YPEL1: variants seen among roughly 807,000 people sequenced by gnomAD.
YPEL1 encodes the protein protein yippee-like 1.
In YPEL1, 7 loss-of-function variants were observed where a neutral mutation model predicts 17.3. The observed-to-expected ratio is 0.40, with a 90% confidence interval of 0.23 to 0.76. YPEL1 has a LOEUF of 0.76. Among genes scored for constraint, YPEL1 ranks in the 30% least tolerant of loss-of-function variants. The probability of loss-of-function intolerance (pLI) is 0.35; values close to 1 mark genes in which losing one functional copy is unlikely to be tolerated. For synonymous variants in YPEL1, 59 were observed against 59.6 expected (o/e 0.99, Z 0.05); for missense variants, 91 against 155.5 (o/e 0.59, Z 2.21).
chr22:21,728,187 C>T (rs764322072), intron 1 of YPEL1, among the ~76,000 whole-genome samples: 32 of 152,064 alleles, frequency 2.1e-4, no homozygotes, highest in Non-Finnish European at 3.1e-4. Context: ...GTCACCTGCC[C>T]GGCCAGCCGT....
chr22:21,711,456 T>A (rs970402992), intron 1 of YPEL1, among the ~76,000 whole-genome samples: 20 of 152,200 alleles, frequency 1.3e-4, no homozygotes, highest in African/African-American at 4.8e-4. Flanking sequence ...CAGGGCTGGA[T>A]GCACCCCACC....
At chr22:21,705,281 C>T (rs2068104726) in intron 2 of YPEL1, among the ~76,000 whole-genome samples, 1 of 152,170 alleles carries the variant, frequency 6.6e-6, no homozygotes, top group African/African-American at 2.4e-5. Flanking sequence ...GCCTGGCTTA[C>T]ATTACAGTTT....
intron 1 of YPEL1, among the ~76,000 whole-genome samples, chr22:21,729,442 T>C (rs1445962641): frequency 7.7e-6 from 1 of 130,060 alleles, no homozygotes; most frequent in African/African-American, 3.0e-5. Context: ...CCCCCATCTC[T>C]AAAAAAAAAA....
chr22:21,700,777 A>G lies in YPEL1; in HGVS notation c.*352T>C, dbSNP rs1377632084. 5.7e-6 allele frequency: 1 copy of G among 174,034 alleles called. No individual in the cohort carries two copies. Among genetic ancestry groups the G allele is most frequent in the Admixed American group, 6.0e-5 (1 of 16,778 alleles). The allele number at this position is 174,034 out of a possible 1,614,324, so 10.8% of individuals were successfully genotyped here. On this transcript the variant is annotated 3_prime_UTR_variant, in exon 5 of 5. Transcript: ENST00000339468. ...GGCGTGAGCCACCGCACCCGGCCCC[A>G]GTTTGGTTTTCAACTGAACCTTAAA...
At chr22:21,711,268 ACT>A (rs1436636196) in intron 1 of YPEL1, among the ~76,000 whole-genome samples, 1 of 152,190 alleles carries the variant, frequency 6.6e-6, no homozygotes, top group Non-Finnish European at 1.5e-5. Context: ...CAAAATGAAC[ACT>A]GACACCATGC....
chr22:21,710,459 C>T, intron 2 of YPEL1, 169 bp downstream of exon 2: 1 of 659,168 alleles, frequency 1.5e-6, no homozygotes, highest in Non-Finnish European at 2.7e-6. Flanking sequence ...GTGGCACAGC[C>T]ACACTTAACC....
At chr22:21,711,486 A>G (rs1272282659) in intron 1 of YPEL1, among the ~76,000 whole-genome samples, 4 of 152,186 alleles carry the variant, frequency 2.6e-5, no homozygotes, top group African/African-American at 9.7e-5. Context: ...GGAATTCACC[A>G]CGCAGAGCAC....
At chr22:21,706,239 G>C (rs1469463350) in intron 2 of YPEL1, among the ~76,000 whole-genome samples, 1 of 151,092 alleles carries the variant, frequency 6.6e-6, no homozygotes, top group Non-Finnish European at 1.5e-5. Context: ...GACCAGCCTG[G>C]CCAACATGGT....
chr22:21,731,079 TAAC>T (rs2068381032), intron 1 of YPEL1, among the ~76,000 whole-genome samples: 2 of 152,102 alleles, frequency 1.3e-5, no homozygotes, highest in South Asian at 2.1e-4. Context: ...GCTTTCTTGC[TAAC>T]AACAAGAAGA....
In YPEL1 at chr22:21,700,262, T is replaced by C. The variant is rs1324463609; in HGVS notation, c.*867A>G. The C allele has an allele frequency of 6.6e-6, 1 of 152,260 alleles. No homozygotes were observed. The highest frequency in any genetic ancestry group is 2.4e-5 in the African/African-American group (1 of 41,454). The allele number at this position is 152,260 out of a possible 1,614,324, so 9.4% of individuals were successfully genotyped here. The stretch of plus-strand genomic sequence containing the variant: ...TCTCTAAAAAAGGGAATGGTGAGAC[T>C]TGCTATCTAAAGAGACCCTGTCCCT... On this transcript the variant is annotated 3_prime_UTR_variant, in exon 5 of 5. Transcript: ENST00000339468.
intron 1 of YPEL1, among the ~76,000 whole-genome samples, chr22:21,732,460 T>C (rs904753222): frequency 1.3e-5 from 2 of 152,222 alleles, no homozygotes; most frequent in African/African-American, 4.8e-5. Context: ...TTTTGTTTAT[T>C]AGTCTTCCAT....
At position 21,703,716 on chromosome 22, in the gene YPEL1, G is replaced by GGGA; in HGVS notation, c.161+122_161+123insTCC. The GGGA allele has an allele frequency of 8.8e-7, 1 of 1,133,446 alleles. No individual in the cohort carries two copies. Among genetic ancestry groups the GGGA allele is most frequent in the Non-Finnish European group, 1.3e-6 (1 of 798,142 alleles). 70.2% of individuals were successfully genotyped at this position (1,133,446 alleles called of 1,614,324 possible). A position where few individuals can be genotyped will look rare whatever the true frequency, so the allele number is the denominator to read the frequency against. On this transcript the variant is annotated intron_variant, in intron 3 of 4. Transcript: ENST00000339468. The surrounding 1 kb of genome is among the most constrained non-coding windows in gnomAD (Gnocchi z 6.1). ...CGCGTTTCAGAAACTCCCGGCGGGG[G>GGGA]GATGGTGGGTTCTTTCAGGACCCCT...
chr22:21,705,394 C>T (rs1357349142), intron 2 of YPEL1, among the ~76,000 whole-genome samples: 1 of 152,146 alleles, frequency 6.6e-6, no homozygotes, highest in African/African-American at 2.4e-5. Context: ...ACATGATGTA[C>T]GCTGTCAGAT....
intron 1 of YPEL1, among the ~76,000 whole-genome samples, chr22:21,733,165 C>A (rs1275677818): frequency 1.3e-5 from 2 of 152,180 alleles, no homozygotes; most frequent in East Asian, 3.9e-4. Context: ...ACCTGTAATC[C>A]CACCACTTTG....
chr22:21,708,682 T>G (rs2068136736), intron 2 of YPEL1, among the ~76,000 whole-genome samples: 6 of 132,696 alleles, frequency 4.5e-5, no homozygotes, highest in Non-Finnish European at 4.9e-5. Context: ...TTTTTTTTTT[T>G]TAAGACAGAG....
intron 2 of YPEL1, among the ~76,000 whole-genome samples, chr22:21,708,171 T>C (rs1411297530): frequency 6.6e-6 from 1 of 151,864 alleles, no homozygotes; most frequent in Non-Finnish European, 1.5e-5. Flanking sequence ...AAAAGCTCAC[T>C]CTAGTCGTCA....
In YPEL1 at chr22:21,710,893, G is replaced by GA. The variant is rs2068158239; in HGVS notation, c.-150dup. On this transcript the variant is annotated 5_prime_UTR_variant, in exon 2 of 5. It removes the in-frame stop codon of an upstream open reading frame in the 5' UTR. Coordinates refer to ENST00000339468, the MANE Select transcript of YPEL1 (RefSeq NM_013313.5). ...GTGGCACTGTCCACACAGCTGGGACGAGAGAAAAACGTAACCTGCCAACCA... is the reference window on the plus strand; with the variant it reads ...GTGGCACTGTCCACACAGCTGGGACGAAGAGAAAAACGTAACCTGCCAACCA... The GA allele has an allele frequency of 1.4e-6, 1 of 721,146 alleles. No homozygotes were observed. The highest frequency in any genetic ancestry group is 2.5e-6 in the Non-Finnish European group (1 of 405,290). The allele number at this position is 721,146 out of a possible 1,614,324, so 44.7% of individuals were successfully genotyped here. A position where few individuals can be genotyped will look rare whatever the true frequency, so the allele number is the denominator to read the frequency against.
intron 1 of YPEL1, among the ~76,000 whole-genome samples, chr22:21,718,201 T>C (rs374300573): frequency 8.6e-4 from 129 of 149,486 alleles, no homozygotes; most frequent in East Asian, 2.0e-3. Context: ...CAGTGGCTCA[T>C]GCCTGTAATC....
At chr22:21,730,815 T>G (rs1056143842) in intron 1 of YPEL1, among the ~76,000 whole-genome samples, 2 of 152,190 alleles carry the variant, frequency 1.3e-5, no homozygotes, top group Non-Finnish European at 2.9e-5. Flanking sequence ...CACCAGCCCC[T>G]GCTCTCTGGG....
Sources: gnomAD v4.1 joint callset for allele counts (sites outside exome capture counted in the v4.1 genomes callset) on GRCh38, gnomAD v4.1.1 for gene constraint, Gnocchi (gnomAD v3.1) non-coding constraint, MANE v1.5 for transcripts, NCBI Gene and HGNC (gene_info 2026-07-23, HGNC 2026-07-21) for gene names.